LINGO2: variants seen among roughly 807,000 people sequenced by gnomAD.
LINGO2 encodes leucine rich repeat and Ig domain containing 2.
LINGO2 carries 14 observed loss-of-function variants against 30.6 expected under a neutral mutation model. The ratio of observed to expected loss-of-function variants is 0.46; its 90% confidence interval spans 0.30 to 0.72. The LOEUF (loss-of-function observed/expected upper bound fraction) is 0.72, where lower values mean the gene tolerates loss of function less well. Among genes scored for constraint, LINGO2 ranks in the 30% least tolerant of loss-of-function variants. The pLI is 0.07. For synonymous variants in LINGO2, 317 were observed against 288.5 expected (o/e 1.10, Z -1.00); for missense variants, 729 against 751.7 (o/e 0.97, Z 0.35).
chr9:28,403,579 C>G (rs1477532797), intron 2 of LINGO2, among the ~76,000 whole-genome samples: 1 of 151,766 alleles, frequency 6.6e-6, no homozygotes, highest in African/African-American at 2.4e-5. Flanking sequence ...CTAAACTTAT[C>G]GAGGCCCTAC....
At chr9:27,945,270 C>T (rs1412807905), downstream of LINGO2, among the ~76,000 whole-genome samples, 1 of 151,914 alleles carries the variant, frequency 6.6e-6, no homozygotes, top group South Asian at 2.1e-4. Context: ...TGTGTTTGTA[C>T]CAGAGTAAAG....
intron 4 of LINGO2, among the ~76,000 whole-genome samples, chr9:28,131,226 A>T (rs982451063): frequency 6.6e-6 from 1 of 151,542 alleles, no homozygotes; most frequent in Non-Finnish European, 1.5e-5. Context: ...CTTTTGGAGC[A>T]GTGTTATAAA....
intron 4 of LINGO2, among the ~76,000 whole-genome samples, chr9:28,265,751 A>G (rs12238133): frequency 6.6e-6 from 1 of 151,972 alleles, no homozygotes; most frequent in South Asian, 2.1e-4. Context: ...TGTATGTTTA[A>G]ATTTATTTCT....
the LINGO2 span, among the ~76,000 whole-genome samples, chr9:28,985,820 A>G: frequency 6.6e-6 from 1 of 152,008 alleles, no homozygotes; most frequent in Admixed American, 6.6e-5. Flanking sequence ...TAAGTTTTTT[A>G]TTCATACTGC....
chr9:28,848,383 GTGTGTGTGTGTGTGTA>G, the LINGO2 span, among the ~76,000 whole-genome samples: 214 of 56,560 alleles, frequency 3.8e-3, 1 homozygote, highest in Non-Finnish European at 5.5e-3. Flanking sequence ...GTGTGTGTGT[GTGTGTGTGTGTGTGTA>G]TATATATATA....
At chr9:28,888,102 T>C in the LINGO2 span, among the ~76,000 whole-genome samples, 340 of 152,242 alleles carry the variant, frequency 2.2e-3, 2 homozygotes, top group African/African-American at 7.7e-3. Context: ...GATTCATTTT[T>C]CTAAGTGAAT....
At chr9:28,579,828 A>AT (rs1325704461) in intron 1 of LINGO2, among the ~76,000 whole-genome samples, 1 of 152,118 alleles carries the variant, frequency 6.6e-6, no homozygotes, top group African/African-American at 2.4e-5. Flanking sequence ...GAAGAATGGT[A>AT]TAGCGGGAGA....
At chr9:29,041,951 A>G in the LINGO2 span, among the ~76,000 whole-genome samples, 1 of 152,046 alleles carries the variant, frequency 6.6e-6, no homozygotes, top group African/African-American at 2.4e-5. Context: ...ATACTCAGCA[A>G]TTTAAAACTT....
At chr9:28,297,061 CAG>C (rs1823949080) in intron 3 of LINGO2, among the ~76,000 whole-genome samples, 1 of 152,094 alleles carries the variant, frequency 6.6e-6, no homozygotes, top group South Asian at 2.1e-4. Context: ...GACCAGATGA[CAG>C]GGAAGAGTTT....
chr9:28,430,228 T>C (rs1335277966), intron 2 of LINGO2, among the ~76,000 whole-genome samples: 1 of 152,124 alleles, frequency 6.6e-6, no homozygotes, highest in Non-Finnish European at 1.5e-5. Flanking sequence ...TCTTTCCTCA[T>C]AGGTTTGGCA....
At chr9:28,749,014 T>C in the LINGO2 span, among the ~76,000 whole-genome samples, 1 of 152,044 alleles carries the variant, frequency 6.6e-6, no homozygotes, top group Non-Finnish European at 1.5e-5. Context: ...ATTTTTGACT[T>C]ATATTCTAAA....
chr9:28,391,049 TG>T (rs1821811113), intron 2 of LINGO2, among the ~76,000 whole-genome samples: 1 of 152,202 alleles, frequency 6.6e-6, no homozygotes, highest in Non-Finnish European at 1.5e-5. Flanking sequence ...AACTTAGATG[TG>T]GGTAATTCAG....
chr9:27,990,465 C>G (rs563482876), intron 5 of LINGO2, among the ~76,000 whole-genome samples: 9 of 116,082 alleles, frequency 7.8e-5, no homozygotes, highest in African/African-American at 2.6e-4. Context: ...TCTCAATACC[C>G]CCCCCCCTTT....
At chr9:28,870,721 A>G in the LINGO2 span, among the ~76,000 whole-genome samples, 4 of 152,098 alleles carry the variant, frequency 2.6e-5, no homozygotes, top group Admixed American at 6.6e-5. Context: ...GAAGCAACAA[A>G]AAAGGACATA....
intron 4 of LINGO2, among the ~76,000 whole-genome samples, chr9:28,287,315 T>C (rs1304054614): frequency 1.3e-5 from 2 of 152,232 alleles, no homozygotes; most frequent in Non-Finnish European, 2.9e-5. Context: ...TAGGAGATTC[T>C]TCTACCAGAG....
At chr9:28,204,182 C>T (rs1236516199) in intron 4 of LINGO2, among the ~76,000 whole-genome samples, 1 of 152,152 alleles carries the variant, frequency 6.6e-6, no homozygotes, top group Non-Finnish European at 1.5e-5. Context: ...ATGTATTACT[C>T]TAACTATATC....
chr9:28,671,446 C>A (rs948513955), upstream of LINGO2, among the ~76,000 whole-genome samples: 3 of 147,430 alleles, frequency 2.0e-5, no homozygotes, highest in African/African-American at 7.5e-5. Context: ...TTCTATGCAG[C>A]CATAAAAAAG....
chr9:28,651,546 G>T (rs1313009665), intron 1 of LINGO2, among the ~76,000 whole-genome samples: 1 of 151,982 alleles, frequency 6.6e-6, no homozygotes. Context: ...CTCTCTAAGG[G>T]CTTGATCTAA....
the LINGO2 span, among the ~76,000 whole-genome samples, chr9:29,205,251 G>C: frequency 1.3e-5 from 2 of 152,060 alleles, no homozygotes; most frequent in African/African-American, 2.4e-5. Context: ...CATGTTGCCA[G>C]GATGGTCTCG....
Sources: gnomAD v4.1 joint callset for allele counts (sites outside exome capture counted in the v4.1 genomes callset) on GRCh38, gnomAD v4.1.1 for gene constraint, MANE v1.5 for transcripts, NCBI Gene and HGNC (gene_info 2026-07-23, HGNC 2026-07-21) for gene names.